Variants in MGST1 observed in about 807,000 individuals in gnomAD.
MGST1 encodes glutathione S-transferase 12.
Under a neutral mutation model 8.9 loss-of-function variants are expected in MGST1, and 5 were observed. The observed-to-expected ratio is 0.56, with a 90% confidence interval of 0.29 to 1.19. MGST1 has a LOEUF of 1.19. Ranked by LOEUF, MGST1 falls within the 50% of genes most tolerant of loss-of-function variation. MGST1 has a pLI of 0.08. For synonymous variants in MGST1, 54 were observed against 67.8 expected (o/e 0.80, Z 1.00); for missense variants, 182 against 187.4 (o/e 0.97, Z 0.17).
intron 4 of MGST1, among the ~76,000 whole-genome samples, chr12:16,551,515 CA>C (rs1941988925): frequency 1.3e-5 from 2 of 151,314 alleles, no homozygotes; most frequent in African/African-American, 4.9e-5. Flanking sequence ...AAATGTTGCA[CA>C]CATTTGAAAT....
chr12:16,535,019 C>T (rs1020739439), intron 4 of MGST1, among the ~76,000 whole-genome samples: 2 of 152,198 alleles, frequency 1.3e-5, no homozygotes, highest in Admixed American at 1.3e-4. Context: ...GATCCCAGCT[C>T]ATGACACTGA....
chr12:16,520,750 C>T (rs1941642968), intron 4 of MGST1, among the ~76,000 whole-genome samples: 1 of 152,112 alleles, frequency 6.6e-6, no homozygotes, highest in East Asian at 1.9e-4. Flanking sequence ...ATCCAAATAG[C>T]ACTGTGAAAA....
chr12:16,561,042 G>T (rs906918735), intron 4 of MGST1, among the ~76,000 whole-genome samples: 17 of 152,134 alleles, frequency 1.1e-4, no homozygotes, highest in African/African-American at 4.1e-4. Context: ...GCGCATGCAT[G>T]CACCTTATGG....
intron 4 of MGST1, among the ~76,000 whole-genome samples, chr12:16,568,551 G>A (rs1942698209): frequency 6.6e-6 from 1 of 152,158 alleles, no homozygotes; most frequent in Non-Finnish European, 1.5e-5. Flanking sequence ...GAATTGAGAT[G>A]CTCTAAGTGG....
At chr12:16,377,044 T>TA (rs1194221075) in exon 4 of MGST1, 7 of 152,154 alleles carry the variant, frequency 4.6e-5, no homozygotes, top group African/African-American at 1.4e-4. Flanking sequence ...TATCAAAACT[T>TA]ACATTAATTA....
intron 2 of MGST1, among the ~76,000 whole-genome samples, chr12:16,355,681 A>T (rs948286312): frequency 6.6e-6 from 1 of 152,176 alleles, no homozygotes; most frequent in Non-Finnish European, 1.5e-5. Context: ...AGATGAAGGG[A>T]ATTCAAATTT....
At chr12:16,574,251 A>G (rs1480260103) in intron 4 of MGST1, among the ~76,000 whole-genome samples, 1 of 152,190 alleles carries the variant, frequency 6.6e-6, no homozygotes, top group African/African-American at 2.4e-5. Flanking sequence ...AACAATGTAT[A>G]AACGATGACT....
downstream of MGST1, among the ~76,000 whole-genome samples, chr12:16,367,928 A>G (rs1940222765): frequency 8.1e-6 from 1 of 123,176 alleles, no homozygotes; most frequent in East Asian, 3.6e-4. Flanking sequence ...TTCTTGGGCT[A>G]TCCAATCATT....
intron 4 of MGST1, among the ~76,000 whole-genome samples, chr12:16,478,646 A>G (rs1941342790): frequency 6.6e-6 from 1 of 152,098 alleles, no homozygotes; most frequent in Non-Finnish European, 1.5e-5. Flanking sequence ...AATTTCAGAA[A>G]GTGGGAGGAC....
chr12:16,468,874 C>T (rs1941272689), intron 4 of MGST1, among the ~76,000 whole-genome samples: 1 of 152,160 alleles, frequency 6.6e-6, no homozygotes, highest in African/African-American at 2.4e-5. Flanking sequence ...GATAATCTGG[C>T]CTGTGTCCAG....
intron 4 of MGST1, among the ~76,000 whole-genome samples, chr12:16,519,624 T>G (rs1187578084): frequency 8.4e-6 from 1 of 118,750 alleles, no homozygotes; most frequent in African/African-American, 3.3e-5. Context: ...TACTTCATGC[T>G]TTTTGCTAAC....
chr12:16,526,665 A>G (rs1017920003), intron 4 of MGST1, among the ~76,000 whole-genome samples: 7 of 152,182 alleles, frequency 4.6e-5, no homozygotes, highest in East Asian at 3.9e-4. Context: ...GTATGAATTC[A>G]TTCTATCACC....
chr12:16,489,134 A>AT (rs558083535), intron 4 of MGST1, among the ~76,000 whole-genome samples: 6 of 152,190 alleles, frequency 3.9e-5, no homozygotes, highest in East Asian at 1.9e-4. Context: ...AAATAAATAA[A>AT]AAATAAATAG....
intron 4 of MGST1, among the ~76,000 whole-genome samples, chr12:16,488,396 A>G (rs1287579757): frequency 5.9e-5 from 9 of 152,046 alleles, no homozygotes; most frequent in African/African-American, 1.4e-4. Flanking sequence ...GTGATCTTCA[A>G]TTCCTCAGTG....
At chr12:16,373,874 G>A (rs1036078023) in intron 3 of MGST1, among the ~76,000 whole-genome samples, 2 of 152,072 alleles carry the variant, frequency 1.3e-5, no homozygotes, top group Non-Finnish European at 2.9e-5. Flanking sequence ...AGTTGTTAAA[G>A]GATTGAAATA....
chr12:16,590,053 G>A (rs1943442795), downstream of MGST1, among the ~76,000 whole-genome samples: 1 of 152,086 alleles, frequency 6.6e-6, no homozygotes, highest in African/African-American at 2.4e-5. Flanking sequence ...AAGTATGCAT[G>A]AAGATATCCC....
At position 16,548,323 on chromosome 12, in the gene MGST1, TA is replaced by T. The variant is rs1286097293; in HGVS notation, n.483-41204del. Reference sequence around the variant, plus strand: ...TTTTTTTCTTTTCATGGACTTAACATATGCTTTCTAGAGATCATCTTAAATT... The same window carrying T: ...TTTTTTTCTTTTCATGGACTTAACATTGCTTTCTAGAGATCATCTTAAATT... On this transcript the variant is annotated intron_variant and non_coding_transcript_variant, in intron 4 of 4. Transcript: ENST00000538857. The surrounding 1 kb of genome is among the most constrained non-coding windows in gnomAD (Gnocchi z 4.2). The T allele has an allele frequency of 7.6e-5, 7 of 91,692 alleles. No homozygotes were observed. The highest frequency in any genetic ancestry group is 1.4e-4 in the Non-Finnish European group (5 of 36,370). 5.7% of individuals were successfully genotyped at this position (91,692 alleles called of 1,614,324 possible). A position where few individuals can be genotyped will look rare whatever the true frequency, so the allele number is the denominator to read the frequency against.
chr12:16,446,747 G>T (rs901716357), intron 4 of MGST1, among the ~76,000 whole-genome samples: 2 of 151,812 alleles, frequency 1.3e-5, no homozygotes, highest in Admixed American at 1.3e-4. Flanking sequence ...AGCCCCAAGT[G>T]GTGGCTTGGG....
chr12:16,445,791 G>T (rs1941075436), intron 4 of MGST1, among the ~76,000 whole-genome samples: 1 of 151,810 alleles, frequency 6.6e-6, no homozygotes, highest in African/African-American at 2.4e-5. Context: ...TATCTAGTTT[G>T]GGCAAGGACT....
Sources: gnomAD v4.1 joint callset for allele counts (sites outside exome capture counted in the v4.1 genomes callset) on GRCh38, gnomAD v4.1.1 for gene constraint, Gnocchi (gnomAD v3.1) non-coding constraint, MANE v1.5 for transcripts, NCBI Gene and HGNC (gene_info 2026-07-23, HGNC 2026-07-21) for gene names.